The following TVP23A variants were observed in gnomAD, a reference collection of about 807,000 sequenced individuals.
TVP23A encodes Golgi apparatus membrane protein TVP23 homolog A.
A neutral mutation model predicts 31.7 loss-of-function variants in TVP23A; 21 were observed. The ratio of observed to expected loss-of-function variants is 0.66; its 90% CI spans 0.47 to 0.95. TVP23A has a LOEUF of 0.95. TVP23A is among the 40% of genes least tolerant of loss of function. The pLI is 0.00. For synonymous variants in TVP23A, 104 were observed against 96.0 expected (o/e 1.08, Z -0.49); for missense variants, 279 against 255.6 (o/e 1.09, Z -0.62).
downstream of TVP23A, chr16:10,761,200 G>C (rs893195924): frequency 3.5e-6 from 2 of 567,982 alleles, no homozygotes; most frequent in South Asian, 2.0e-5. Flanking sequence ...ATTACAGTTC[G>C]AGCTGAGATT....
In TVP23A at chr16:10,767,611, C is replaced by T; in HGVS notation, c.*1491G>A. ...CTTTTGCATTCTGTACTTTTTTTAA[C>T]CATGTGCATTCATGATCCTTTCACT... On this transcript the variant is annotated 3_prime_UTR_variant, in exon 8 of 8. Coordinates refer to ENST00000299866, the MANE Select transcript of TVP23A (RefSeq NM_001079512.4). The surrounding 1 kb of genome is among the most constrained non-coding windows in gnomAD (Gnocchi z 4.6). 2.3e-6 allele frequency: 1 copy of T among 444,042 alleles called. No homozygotes were observed. The highest frequency in any genetic ancestry group is 4.0e-6 in the Non-Finnish European group (1 of 252,668). The allele number at this position is 444,042 out of a possible 1,614,324, so 27.5% of individuals were successfully genotyped here.
At chr16:10,811,941 G>T (rs559498477) in intron 2 of TVP23A, among the ~76,000 whole-genome samples, 1 of 148,862 alleles carries the variant, frequency 6.7e-6, no homozygotes, top group Non-Finnish European at 1.5e-5. Flanking sequence ...AAAGGCAAAC[G>T]GAATTACATT....
At chr16:10,807,241 G>T (rs142798437) in intron 2 of TVP23A, among the ~76,000 whole-genome samples, 1 of 152,124 alleles carries the variant, frequency 6.6e-6, no homozygotes, top group African/African-American at 2.4e-5. Flanking sequence ...ATGTCTGTGC[G>T]TGGGTACCAA....
intron 2 of TVP23A, among the ~76,000 whole-genome samples, chr16:10,782,849 T>C (rs1267448888): frequency 1.3e-5 from 2 of 152,124 alleles, no homozygotes; most frequent in East Asian, 3.9e-4. Flanking sequence ...ACTCATTCGC[T>C]GGACTACCAA....
downstream of TVP23A, among the ~76,000 whole-genome samples, chr16:10,759,908 T>A (rs1281311574): frequency 6.6e-6 from 1 of 152,246 alleles, no homozygotes; most frequent in Non-Finnish European, 1.5e-5. The surrounding 1 kb of genome is among the most constrained non-coding windows in gnomAD (Gnocchi z 4.7). Flanking sequence ...GGCCCAAAGC[T>A]GCGAGCCTTT....
rs751697835 is a variant in TVP23A, at chr16:10,771,693, G to A, written c.559C>T (p.Leu187=). Residue 187 remains leucine (L), a synonymous_variant, in exon 6 of 8, where the codon CTG becomes TTG. Transcript: ENST00000299866. The part of the protein sequence containing the change: ...SDIGKVTASF[L]SQTVFQTACP... ...ACCGTCTGGAACACTGTCTGGGACA[G>A]GAAACTGGCTGTGACCTTGCCAATG... The A allele has an allele frequency of 1.2e-6, 2 of 1,613,840 alleles. No homozygotes were observed. Among genetic ancestry groups the A allele is most frequent in the South Asian group, 1.1e-5 (1 of 90,970 alleles).
At position 10,767,871 on chromosome 16, in the gene TVP23A, C is replaced by T. The variant is rs572976431; in HGVS notation, c.*1231G>A. ...CAAGATCTTCCCATTGTCACCAGCA[C>T]GGAAAGAGCCCCAAGATCTTGTGGC... is the stretch of plus-strand genomic sequence containing the variant. On this transcript the variant is annotated 3_prime_UTR_variant, in exon 8 of 8. Coordinates refer to ENST00000299866, the MANE Select transcript of TVP23A (RefSeq NM_001079512.4). This position sits in a 1 kb window ranked among gnomAD's most constrained non-coding sequence, Gnocchi z 4.6. 2.5e-4 allele frequency: 333 copies of T among 1,337,324 alleles called. No individual in the cohort carries two copies. Among genetic ancestry groups the T allele is most frequent in the Non-Finnish European group, 2.5e-4 (236 of 930,092 alleles). The allele number at this position is 1,337,324 out of a possible 1,614,324, so 82.8% of individuals were successfully genotyped here. A position where few individuals can be genotyped will look rare whatever the true frequency, so the allele number is the denominator to read the frequency against.
At chr16:10,796,525 C>T (rs1314075708) in intron 2 of TVP23A, among the ~76,000 whole-genome samples, 1 of 152,110 alleles carries the variant, frequency 6.6e-6, no homozygotes, top group Admixed American at 6.5e-5. Flanking sequence ...CTCTGCCTCC[C>T]GGGTTCACAC....
chr16:10,763,831 C>T (rs2030394826), downstream of TVP23A: 1 of 157,534 alleles, frequency 6.3e-6, no homozygotes, highest in Non-Finnish European at 1.4e-5. Flanking sequence ...AACATATCAG[C>T]CCGAAAGAGC....
intron 2 of TVP23A, among the ~76,000 whole-genome samples, chr16:10,789,297 A>AT (rs1161856224): frequency 6.6e-6 from 1 of 152,160 alleles, no homozygotes; most frequent in Non-Finnish European, 1.5e-5. Context: ...AGAGTGCAGA[A>AT]TTCCCCCCCA....
At chr16:10,775,238 A>G in intron 2 of TVP23A, 142 bp from the exon 3 acceptor site, 2 of 1,455,470 alleles carry the variant, frequency 1.4e-6, no homozygotes, top group Non-Finnish European at 1.8e-6. Flanking sequence ...GCAGAAACTC[A>G]GGCTGTAGCC....
chr16:10,761,629 C>G lies in TVP23A; in HGVS notation c.*207-61G>C, dbSNP rs574348170. On this transcript the variant is annotated intron_variant and NMD_transcript_variant, in intron 8 of 8. Coordinates refer to the TVP23A transcript ENST00000456096. ...CCTTTCTGCTGACTAAAGGAAAGTT[C>G]TTTAGGTGTTAAGGGTTCCACATTC... The G allele has an allele frequency of 3.2e-6, 3 of 950,268 alleles. No homozygotes were observed. In the African/African-American group the frequency reaches 5.0e-5, roughly 16 times the overall value. The allele number at this position is 950,268 out of a possible 1,614,324, so 58.9% of individuals were successfully genotyped here. A position where few individuals can be genotyped will look rare whatever the true frequency, so the allele number is the denominator to read the frequency against.
intron 2 of TVP23A, among the ~76,000 whole-genome samples, chr16:10,791,862 G>T (rs542416101): frequency 6.6e-6 from 1 of 152,114 alleles, no homozygotes; most frequent in Non-Finnish European, 1.5e-5. Flanking sequence ...TGATCCGCCC[G>T]CCTCGGCCTC....
At chr16:10,810,847 T>C (rs1026205117) in intron 2 of TVP23A, among the ~76,000 whole-genome samples, 1 of 152,106 alleles carries the variant, frequency 6.6e-6, no homozygotes, top group African/African-American at 2.4e-5. Flanking sequence ...CGGGCTAGGA[T>C]GGGTTTTATG....
chr16:10,797,955 CT>C (rs1162130562), intron 2 of TVP23A, among the ~76,000 whole-genome samples: 435 of 122,918 alleles, frequency 3.5e-3, no homozygotes, highest in African/African-American at 9.2e-3. Context: ...TTTTCTTTTT[CT>C]TTTTTTTTTT....
At chr16:10,796,718 G>A (rs765012294) in intron 2 of TVP23A, among the ~76,000 whole-genome samples, 4 of 152,146 alleles carry the variant, frequency 2.6e-5, no homozygotes, top group Non-Finnish European at 5.9e-5. Flanking sequence ...GATTACAGGC[G>A]TGAGCCACCG....
chr16:10,807,342 C>T (rs1182170652), intron 2 of TVP23A, among the ~76,000 whole-genome samples: 1 of 152,192 alleles, frequency 6.6e-6, no homozygotes, highest in Non-Finnish European at 1.5e-5. Context: ...CCTTGCCCCC[C>T]ACACCTCCGG....
chr16:10,783,423 C>T lies in TVP23A; in HGVS notation c.90-8327G>A, dbSNP rs192836913. On this transcript the variant is annotated intron_variant, in intron 2 of 7. Coordinates refer to ENST00000299866, the MANE Select transcript of TVP23A (RefSeq NM_001079512.4). ...AGGTGTGGTGGCTCATACCTGTAATCGCAGCATTTTGGGAGGCTGAGGTGG... is the reference window on the plus strand; with the variant it reads ...AGGTGTGGTGGCTCATACCTGTAATTGCAGCATTTTGGGAGGCTGAGGTGG... Among the ~76,000 whole-genome samples the T allele has an allele frequency of 5.3e-4, 81 of 152,274 alleles. 1 individual carries two copies. The highest frequency in any genetic ancestry group is 8.5e-4 in the Non-Finnish European group (58 of 68,026).
At position 10,771,668 on chromosome 16, in the gene TVP23A, AC is replaced by A. The variant is rs867988876; in HGVS notation, c.582+1del. The A allele has an allele frequency of 3.1e-6, 5 of 1,613,686 alleles. No homozygotes were observed. In the African/African-American group the frequency reaches 6.7e-5, roughly 22 times the overall value. ...TCCAAGAGTCAGACCTCAGTTACTCACCGTCTGGAACACTGTCTGGGACAGG... is the reference window on the plus strand; with the variant it reads ...TCCAAGAGTCAGACCTCAGTTACTCACGTCTGGAACACTGTCTGGGACAGG... On this transcript the variant is annotated splice_donor_variant, in intron 6 of 7. Transcript: ENST00000299866. LOFTEE classifies it high-confidence loss of function.
Sources: allele counts gnomAD v4.1 joint callset (sites outside exome capture counted in the v4.1 genomes callset), GRCh38; gene constraint gnomAD v4.1.1; non-coding constraint Gnocchi (gnomAD v3.1); transcripts MANE v1.5; gene names NCBI Gene and HGNC (gene_info 2026-07-23, HGNC 2026-07-21).